The following RORA variants were observed in gnomAD, a reference collection of about 807,000 sequenced individuals.
RORA encodes the protein nuclear receptor ROR-alpha.
A neutral mutation model predicts 69.5 loss-of-function variants in RORA; 7 were observed. The observed-to-expected ratio is 0.10, with a 90% CI of 0.06 to 0.19. RORA has a LOEUF of 0.19. Ranked by LOEUF, RORA falls within the 10% of genes least tolerant of loss-of-function variation. The probability of loss-of-function intolerance (pLI) is 1.00; values close to 1 mark genes in which losing one functional copy is unlikely to be tolerated. For missense variants in RORA, 457 were observed against 663.0 expected, an observed-to-expected ratio of 0.69 and a Z score of 3.41; for synonymous variants, 261 against 240.8, an observed-to-expected ratio of 1.08 and a Z score of -0.78.
At chr15:61,052,811 G>A (rs1422063132) in intron 1 of RORA, among the ~76,000 whole-genome samples, 1 of 152,172 alleles carries the variant, frequency 6.6e-6, no homozygotes, top group Non-Finnish European at 1.5e-5. Context: ...AAGACGCGAA[G>A]ATGAAAACTT....
At chr15:60,800,772 C>A (rs1350073706) in intron 1 of RORA, among the ~76,000 whole-genome samples, 1 of 152,116 alleles carries the variant, frequency 6.6e-6, no homozygotes, top group African/African-American at 2.4e-5. Context: ...TCATATGCCG[C>A]CCCCACCTCT....
intron 2 of RORA, among the ~76,000 whole-genome samples, chr15:60,577,339 T>G (rs143402856): frequency 6.2e-4 from 95 of 152,320 alleles, no homozygotes; most frequent in African/African-American, 2.3e-3. Flanking sequence ...TGTATACTTT[T>G]ATGCTTCTAA....
chr15:60,850,507 GA>G (rs2073312813), intron 1 of RORA, among the ~76,000 whole-genome samples: 1 of 152,144 alleles, frequency 6.6e-6, no homozygotes, highest in Non-Finnish European at 1.5e-5. Flanking sequence ...CTAAAATGGG[GA>G]TAATAATGAT....
intron 1 of RORA, among the ~76,000 whole-genome samples, chr15:61,190,890 A>T (rs1209307217): frequency 6.6e-6 from 1 of 152,228 alleles, no homozygotes; most frequent in African/African-American, 2.4e-5. Flanking sequence ...TTTTGCTTAT[A>T]TATATGAATC....
At chr15:60,863,201 C>A (rs1308906806) in intron 1 of RORA, among the ~76,000 whole-genome samples, 1 of 152,200 alleles carries the variant, frequency 6.6e-6, no homozygotes, top group Non-Finnish European at 1.5e-5. Context: ...CTACTGGACA[C>A]AGCACAGATA....
intron 1 of RORA, among the ~76,000 whole-genome samples, chr15:61,004,758 C>T (rs17237563): frequency 0.14 from 21,307 of 152,042 alleles, 1,618 homozygotes; most frequent in South Asian, 0.27. Flanking sequence ...CACCTGCAAA[C>T]GTTGCCACGG....
intron 1 of RORA, among the ~76,000 whole-genome samples, chr15:60,931,021 G>C (rs924186742): frequency 9.2e-5 from 14 of 152,344 alleles, no homozygotes; most frequent in African/African-American, 2.6e-4. Flanking sequence ...TGTTATGAGA[G>C]GGACTTACCC....
chr15:60,681,689 G>A (rs964655220), intron 1 of RORA: 1 of 152,190 alleles, frequency 6.6e-6, no homozygotes, highest in Non-Finnish European at 1.5e-5. Flanking sequence ...TTAAATGAGG[G>A]ATGGGTCTCC....
At chr15:60,613,730 G>A (rs1218584682) in intron 2 of RORA, among the ~76,000 whole-genome samples, 5 of 147,336 alleles carry the variant, frequency 3.4e-5, no homozygotes, top group South Asian at 4.3e-4. Context: ...GTGTGTGTGT[G>A]TGTGTGTGTG....
At chr15:60,586,984 A>AAC (rs1244500401) in intron 2 of RORA, among the ~76,000 whole-genome samples, 2 of 152,224 alleles carry the variant, frequency 1.3e-5, no homozygotes, top group Non-Finnish European at 2.9e-5. Flanking sequence ...CATGAAAACA[A>AAC]ACACGACAGC....
intron 1 of RORA, among the ~76,000 whole-genome samples, chr15:61,191,702 G>A (rs552082511): frequency 1.3e-5 from 2 of 152,268 alleles, no homozygotes; most frequent in Admixed American, 6.5e-5. Flanking sequence ...TCATGCAGAC[G>A]CAGCACACAT....
intron 1 of RORA, among the ~76,000 whole-genome samples, chr15:61,145,348 A>G (rs567865600): frequency 6.6e-6 from 1 of 152,296 alleles, no homozygotes; most frequent in South Asian, 2.1e-4. Context: ...TATCATTCCC[A>G]ATTTACAGAT....
chr15:60,686,351 T>C (rs960129940), intron 1 of RORA, among the ~76,000 whole-genome samples: 2 of 152,202 alleles, frequency 1.3e-5, no homozygotes, highest in African/African-American at 4.8e-5. Context: ...GAAAAGTCCA[T>C]ATGTAAGGAG....
At chr15:60,780,817 C>T (rs1469610083) in intron 1 of RORA, among the ~76,000 whole-genome samples, 1 of 152,132 alleles carries the variant, frequency 6.6e-6, no homozygotes, top group African/African-American at 2.4e-5. Context: ...CAGACACGGT[C>T]CCTACATGCT....
intron 1 of RORA, among the ~76,000 whole-genome samples, chr15:60,804,595 A>T (rs767487171): frequency 6.6e-6 from 1 of 152,178 alleles, no homozygotes; most frequent in Non-Finnish European, 1.5e-5. Flanking sequence ...AATGTGGCTA[A>T]GTGAGTTTGA....
At chr15:60,570,959 A>G (rs981995386) in intron 2 of RORA, among the ~76,000 whole-genome samples, 3 of 152,182 alleles carry the variant, frequency 2.0e-5, no homozygotes, top group Non-Finnish European at 4.4e-5. Context: ...GTACATTACC[A>G]TATTAATCGG....
chr15:60,801,277 C>G (rs535602324), intron 1 of RORA, among the ~76,000 whole-genome samples: 1 of 152,186 alleles, frequency 6.6e-6, no homozygotes, highest in East Asian at 1.9e-4. Context: ...CCCCTCCCCC[C>G]TCCTTCGACA....
intron 1 of RORA, among the ~76,000 whole-genome samples, chr15:60,874,169 A>G (rs1030870630): frequency 6.6e-6 from 1 of 152,336 alleles, no homozygotes; most frequent in Middle Eastern, 3.4e-3. Flanking sequence ...TATACATTTG[A>G]ACATTAAATT....
intron 1 of RORA, among the ~76,000 whole-genome samples, chr15:61,054,628 C>T (rs759232727): frequency 6.6e-6 from 1 of 152,188 alleles, no homozygotes; most frequent in East Asian, 1.9e-4. Flanking sequence ...TTTCCTATCA[C>T]TAGTATATTA....
Sources: gnomAD v4.1 joint callset for allele counts (sites outside exome capture counted in the v4.1 genomes callset) on GRCh38, gnomAD v4.1.1 for gene constraint, MANE v1.5 for transcripts, NCBI Gene and HGNC (gene_info 2026-07-23, HGNC 2026-07-21) for gene names.